Variants in CENPN observed in about 807,000 individuals in gnomAD.
The protein encoded by CENPN is centromere protein N.
Under a neutral mutation model 48.6 loss-of-function variants are expected in CENPN, and 36 were observed. The ratio of observed to expected loss-of-function variants is 0.74; its 90% confidence interval spans 0.57 to 0.98. The LOEUF (loss-of-function observed/expected upper bound fraction) is 0.98, where lower values mean the gene tolerates loss of function less well. Ranked by LOEUF, CENPN falls within the 50% of genes least tolerant of loss-of-function variation. CENPN has a pLI of 0.00. For synonymous variants in CENPN, 166 were observed against 135.2 expected (o/e 1.23, Z -1.58); for missense variants, 439 against 399.2 (o/e 1.10, Z -0.85).
chr16:81,014,392 G>C (rs1040227167), intron 3 of CENPN: 2 of 509,652 alleles, frequency 3.9e-6, no homozygotes, highest in Non-Finnish European at 7.0e-6. Flanking sequence ...GCACCACCAT[G>C]TATGGCTAAT....
downstream of CENPN, among the ~76,000 whole-genome samples, chr16:81,032,416 A>G (rs1017794808): frequency 2.6e-5 from 4 of 152,190 alleles, no homozygotes; most frequent in Admixed American, 2.0e-4. Context: ...CTCCTATGAA[A>G]AAGGGTATAT....
Position 81,026,572 on chromosome 16 carries a change from C to T in CENPN, c.744C>T (p.Val248=), listed in dbSNP as rs1415783711. 1 of 1,607,528 alleles carries T rather than the reference C, an allele frequency of 6.2e-7. No homozygotes were observed. Among genetic ancestry groups the T allele is most frequent in the Non-Finnish European group, 8.5e-7 (1 of 1,175,368 alleles). Residue 248 remains valine (V), a synonymous_variant, in exon 9 of 11, where the codon GTC becomes GTT. Coordinates refer to ENST00000305850, the MANE Select transcript of CENPN (RefSeq NM_001100624.3). Reference sequence around the variant, plus strand: ...AAAACATAGTAGAAAAAGAGAGAGTCCAACGAATAACTCAAGAAACATTTG... The same window carrying T: ...AAAACATAGTAGAAAAAGAGAGAGTTCAACGAATAACTCAAGAAACATTTG... The part of the protein sequence containing the change: ...IHENIVEKER[V]QRITQETFGD...
chr16:81,027,508 T>G (rs1970560542), intron 9 of CENPN, among the ~76,000 whole-genome samples: 1 of 152,104 alleles, frequency 6.6e-6, no homozygotes, highest in Non-Finnish European at 1.5e-5. Flanking sequence ...GAAATCTCAG[T>G]GTGACTCAAA....
At chr16:81,021,166 G>A (rs1414354774) in intron 6 of CENPN, among the ~76,000 whole-genome samples, 1 of 150,698 alleles carries the variant, frequency 6.6e-6, no homozygotes, top group Non-Finnish European at 1.5e-5. Context: ...TTTCATAATT[G>A]TATAATTTGC....
At chr16:81,016,731 C>T in intron 3 of CENPN, 1 of 152,960 alleles carries the variant, frequency 6.5e-6, no homozygotes, top group Non-Finnish European at 1.5e-5. Flanking sequence ...TATTGCACTC[C>T]AGCCTGGGCA....
At position 81,029,441 on chromosome 16, in the gene CENPN, C is replaced by T. The variant is rs924847288; in HGVS notation, c.*790C>T. ...TTGAGACAGGGTCTCACTGTGTCACCCAAGCTGGAGTGCAGTGGCATGATC... is the reference window on the plus strand; with the variant it reads ...TTGAGACAGGGTCTCACTGTGTCACTCAAGCTGGAGTGCAGTGGCATGATC... On this transcript the variant is annotated 3_prime_UTR_variant, in exon 11 of 11. Coordinates refer to ENST00000305850, the MANE Select transcript of CENPN (RefSeq NM_001100624.3). 1.4e-5 allele frequency: 5 copies of T among 366,398 alleles called. No homozygotes were observed. The highest frequency in any genetic ancestry group is 6.6e-5 in the African/African-American group (3 of 45,332). 22.7% of individuals were successfully genotyped at this position (366,398 alleles called of 1,614,324 possible).
intron 3 of CENPN, among the ~76,000 whole-genome samples, chr16:81,014,982 G>T (rs748118256): frequency 6.6e-6 from 1 of 152,224 alleles, no homozygotes; most frequent in Admixed American, 6.5e-5. Context: ...GTAGGCTAAT[G>T]TAAGTGCTCT....
intron 3 of CENPN, among the ~76,000 whole-genome samples, chr16:81,014,675 T>C (rs549626239): frequency 1.4e-4 from 22 of 152,320 alleles, no homozygotes; most frequent in Admixed American, 6.5e-5. Context: ...CATTATCTAC[T>C]TCACGGTATT....
At chr16:81,026,333 T>C (rs951338243) in intron 8 of CENPN, among the ~76,000 whole-genome samples, 193 bp from the exon 9 acceptor site, 2 of 151,510 alleles carry the variant, frequency 1.3e-5, no homozygotes, top group African/African-American at 4.9e-5. Context: ...TTTTATTTTC[T>C]CTTTTATCAA....
intron 3 of CENPN, chr16:81,016,944 A>T (rs1692811528): frequency 8.4e-6 from 2 of 237,866 alleles, no homozygotes; most frequent in African/African-American, 4.8e-5. Flanking sequence ...GTAAGGAGCT[A>T]GGAGAAGAGG....
chr16:81,026,293 G>C (rs1039588899), intron 8 of CENPN, among the ~76,000 whole-genome samples: 92 of 151,308 alleles, frequency 6.1e-4, no homozygotes, highest in Non-Finnish European at 1.1e-3. Flanking sequence ...AATGCTAACA[G>C]TGCTTATCTC....
intron 1 of CENPN, among the ~76,000 whole-genome samples, chr16:81,008,376 T>C (rs1318710407): frequency 4.6e-5 from 7 of 152,078 alleles, no homozygotes; most frequent in African/African-American, 1.7e-4. Context: ...TTTTTGTTTG[T>C]TTTTTGTTTT....
chr16:81,032,457 A>C, downstream of CENPN: 2 of 1,056,170 alleles, frequency 1.9e-6, no homozygotes, highest in Admixed American at 2.5e-5. Context: ...GGGTTGGGGA[A>C]TCATCACTCT....
intron 1 of CENPN, among the ~76,000 whole-genome samples, chr16:81,009,632 T>C (rs548757368): frequency 6.6e-6 from 1 of 152,230 alleles, no homozygotes; most frequent in Non-Finnish European, 1.5e-5. Context: ...TATCTTTGTC[T>C]TACTATCATT....
chr16:81,032,519 C>T, downstream of CENPN: 2 of 1,517,650 alleles, frequency 1.3e-6, no homozygotes, highest in Non-Finnish European at 1.8e-6. Context: ...TGTCTTTTCT[C>T]CTATTAATCC....
intron 1 of CENPN, among the ~76,000 whole-genome samples, chr16:81,009,804 C>G (rs555617559): frequency 3.0e-4 from 46 of 152,318 alleles, no homozygotes; most frequent in African/African-American, 8.7e-4. Context: ...GACTGACAGG[C>G]TTGTCTTAAA....
chr16:81,017,453 C>T lies in CENPN; in HGVS notation c.277+68C>T, dbSNP rs563899457. The T allele has an allele frequency of 2.3e-5, 26 of 1,108,350 alleles. No homozygotes were observed. The African/African-American group carries it at 2.5e-4, about 11-fold the overall frequency. 68.7% of individuals were successfully genotyped at this position (1,108,350 alleles called of 1,614,324 possible). A position where few individuals can be genotyped will look rare whatever the true frequency, so the allele number is the denominator to read the frequency against. On this transcript the variant is annotated intron_variant, in intron 4 of 10. Coordinates refer to ENST00000305850, the MANE Select transcript of CENPN (RefSeq NM_001100624.3). ...TGGACTCAGGAAGCAGAGGTTACAG[C>T]GAGCTGAGATTGCACCACTGCACTC...
At position 81,029,782 on chromosome 16, in the gene CENPN, C is replaced by T. The variant is rs887462323; in HGVS notation, c.*1131C>T. On this transcript the variant is annotated 3_prime_UTR_variant, in exon 11 of 11. Coordinates refer to ENST00000305850, the MANE Select transcript of CENPN (RefSeq NM_001100624.3). ...TAGAGACAGGGTTTCTCCATGTTGC[C>T]CAGGCTGATCTCAAACTCCTGGGCT... Among the ~76,000 whole-genome samples the T allele has an allele frequency of 6.6e-6, 1 of 152,002 alleles. No homozygotes were observed. The highest frequency in any genetic ancestry group is 1.9e-4 in the East Asian group (1 of 5,196).
At chr16:81,023,207 G>GT (rs1170863846) in intron 7 of CENPN, 1 of 275,108 alleles carries the variant, frequency 3.6e-6, no homozygotes, top group Admixed American at 5.1e-5. Context: ...ATGCAGGGGT[G>GT]TTTTTTCAAA....
Sources: allele counts gnomAD v4.1 joint callset (sites outside exome capture counted in the v4.1 genomes callset), GRCh38; gene constraint gnomAD v4.1.1; transcripts MANE v1.5; gene names NCBI Gene and HGNC (gene_info 2026-07-23, HGNC 2026-07-21).